Variants in ARID1B observed in about 807,000 individuals in gnomAD.
ARID1B encodes AT-rich interactive domain-containing protein 1B.
In ARID1B, 30 loss-of-function variants were observed where a neutral mutation model predicts 212.3. The ratio of observed to expected loss-of-function variants is 0.14; its 90% CI spans 0.11 to 0.19. The LOEUF (loss-of-function observed/expected upper bound fraction) is 0.19, where lower values mean the gene tolerates loss of function less well. ARID1B is among the 10% of genes least tolerant of loss of function. The pLI is 1.00. For synonymous variants in ARID1B, 1,402 were observed against 1,301.7 expected, an observed-to-expected ratio of 1.08 and a Z score of -1.66; for missense variants, 2,891 against 3,204.0, an observed-to-expected ratio of 0.90 and a Z score of 2.36.
chr6:157,068,172 C>T (rs1783797144), intron 4 of ARID1B, among the ~76,000 whole-genome samples: 3 of 152,198 alleles, frequency 2.0e-5, no homozygotes, highest in South Asian at 2.1e-4. Context: ...AACAAAAATC[C>T]GTTGCCTTAT....
chr6:156,932,063 T>A (rs1196287551), intron 3 of ARID1B, among the ~76,000 whole-genome samples: 2 of 141,792 alleles, frequency 1.4e-5, no homozygotes, highest in Middle Eastern at 3.5e-3. Context: ...GAGAATTGCT[T>A]GAGCCTGGGA....
At chr6:156,852,460 TAA>T (rs576507419) in intron 2 of ARID1B, among the ~76,000 whole-genome samples, 3 of 143,618 alleles carry the variant, frequency 2.1e-5, no homozygotes, top group Non-Finnish European at 1.5e-5. Flanking sequence ...CCCTGTCTCT[TAA>T]AAAAAAAAAA....
At chr6:157,077,936 T>C (rs1393127245) in intron 4 of ARID1B, among the ~76,000 whole-genome samples, 1 of 152,166 alleles carries the variant, frequency 6.6e-6, no homozygotes, top group African/African-American at 2.4e-5. Context: ...TTATTCAGTA[T>C]CTCACTTTTT....
intron 5 of ARID1B, among the ~76,000 whole-genome samples, chr6:157,104,824 G>A (rs922743010): frequency 1.3e-5 from 2 of 152,150 alleles, no homozygotes; most frequent in Admixed American, 1.3e-4. Context: ...CAGTCCAATT[G>A]CTGTGAAAAT....
At chr6:157,071,427 A>G (rs1216913319) in intron 4 of ARID1B, 2 of 152,254 alleles carry the variant, frequency 1.3e-5, no homozygotes, top group African/African-American at 2.4e-5. Flanking sequence ...TAAGACTTCT[A>G]CAATTTCCAA....
intron 3 of ARID1B, among the ~76,000 whole-genome samples, chr6:156,905,099 C>T (rs993633510): frequency 9.9e-5 from 15 of 151,918 alleles, no homozygotes; most frequent in Non-Finnish European, 2.9e-5. Flanking sequence ...AATTTTCTCT[C>T]TTCAGTTGTT....
At chr6:156,858,014 G>C (rs1320265188) in intron 2 of ARID1B, among the ~76,000 whole-genome samples, 2 of 152,198 alleles carry the variant, frequency 1.3e-5, no homozygotes, top group Non-Finnish European at 2.9e-5. Flanking sequence ...AGAAAATGTG[G>C]TACACAGACA....
In ARID1B at chr6:157,173,988, T is replaced by C. The variant is rs774396612; in HGVS notation, c.3236-20T>C. 1 of 1,599,150 alleles carries C rather than the reference T, an allele frequency of 6.3e-7. No individual in the cohort carries two copies. The highest frequency in any genetic ancestry group is 8.6e-7 in the Non-Finnish European group (1 of 1,166,454). On this transcript the variant is annotated intron_variant, in intron 9 of 19. Coordinates refer to ENST00000636930, the MANE Select transcript of ARID1B (RefSeq NM_001374828.1). ...GAATCACACATATAATCCTAAACTC[T>C]TTCTCCTGTTTTCGATTAGCATCTG...
At chr6:156,965,272 T>C (rs894052766) in intron 4 of ARID1B, among the ~76,000 whole-genome samples, 8 of 152,242 alleles carry the variant, frequency 5.3e-5, no homozygotes, top group Non-Finnish European at 1.0e-4. Context: ...ATCTGGAATG[T>C]GGTTGCACAG....
intron 4 of ARID1B, among the ~76,000 whole-genome samples, chr6:157,025,861 C>T (rs940990589): frequency 2.8e-5 from 4 of 141,090 alleles, no homozygotes; most frequent in African/African-American, 1.0e-4. Flanking sequence ...TAGCAGACTG[C>T]ATTTACCTTT....
At chr6:157,188,236 A>T (rs940135169) in intron 13 of ARID1B, among the ~76,000 whole-genome samples, 31 of 152,178 alleles carry the variant, frequency 2.0e-4, no homozygotes, top group Middle Eastern at 3.4e-3. Context: ...AAACTTTTTT[A>T]AAAAAGTCAG....
intron 5 of ARID1B, among the ~76,000 whole-genome samples, chr6:157,109,382 C>T (rs978202032): frequency 6.6e-6 from 1 of 152,092 alleles, no homozygotes; most frequent in African/African-American, 2.4e-5. Flanking sequence ...CAGCCGGGGT[C>T]CCAGGACCAC....
chr6:157,192,893 A>G (rs1793481400), intron 15 of ARID1B, among the ~76,000 whole-genome samples: 1 of 152,142 alleles, frequency 6.6e-6, no homozygotes, highest in South Asian at 2.1e-4. Flanking sequence ...TGGTGCTCTG[A>G]TTTTTTATTT....
At chr6:156,883,281 T>G (rs1787246771) in intron 2 of ARID1B, among the ~76,000 whole-genome samples, 1 of 152,218 alleles carries the variant, frequency 6.6e-6, no homozygotes, top group South Asian at 2.1e-4. Context: ...CCCAGAGCTA[T>G]TGTTTGCCTA....
intron 2 of ARID1B, among the ~76,000 whole-genome samples, chr6:156,894,086 C>T (rs1047541269): frequency 2.4e-4 from 36 of 152,012 alleles, no homozygotes; most frequent in Admixed American, 1.8e-3. Flanking sequence ...GTATACATTC[C>T]GTGGCCTTAA....
At chr6:157,179,338 T>A (rs140637336) in intron 11 of ARID1B, among the ~76,000 whole-genome samples, 1,805 of 152,244 alleles carry the variant, frequency 0.012, 29 homozygotes, top group African/African-American at 0.04. Flanking sequence ...GAGAGTCTTG[T>A]GTAAAGTGTG....
rs200471587 is a variant in ARID1B at position 157,208,877 on chromosome 6, CAA to C, written c.*995_*996del. The C allele has an allele frequency of 2.0e-5, 4 of 201,816 alleles. No individual in the cohort carries two copies. The highest frequency in any genetic ancestry group is 7.4e-5 in the East Asian group (1 of 13,468). The allele number at this position is 201,816 out of a possible 1,614,324, so 12.5% of individuals were successfully genotyped here. ...AAAGAAAAAATACAAAAAACAAAAACAAAAAAAAAAGAGGGTAATGTACAAGT... is the reference window on the plus strand; with the variant it reads ...AAAGAAAAAATACAAAAAACAAAAACAAAAAAAAGAGGGTAATGTACAAGT... On this transcript the variant is annotated 3_prime_UTR_variant, in exon 20 of 20. Transcript: ENST00000636930.
At chr6:156,790,703 C>G (rs574944005) in intron 1 of ARID1B, among the ~76,000 whole-genome samples, 28 of 152,306 alleles carry the variant, frequency 1.8e-4, no homozygotes, top group African/African-American at 5.8e-4. Flanking sequence ...CCTGAATTGG[C>G]TGATGCAGAA....
At chr6:157,089,204 AC>A (rs1562608191) in intron 5 of ARID1B, among the ~76,000 whole-genome samples, 1 of 152,224 alleles carries the variant, frequency 6.6e-6, no homozygotes, top group African/African-American at 2.4e-5. Context: ...TTGAAAAAAA[AC>A]AATCATTTTT....
Sources: allele counts gnomAD v4.1 joint callset (sites outside exome capture counted in the v4.1 genomes callset), GRCh38; gene constraint gnomAD v4.1.1; transcripts MANE v1.5; gene names NCBI Gene and HGNC (gene_info 2026-07-23, HGNC 2026-07-21).